The following ADD3 variants were observed in gnomAD, a reference collection of about 807,000 sequenced individuals.
ADD3 encodes the protein adducin 3.
Under a neutral mutation model 80.2 loss-of-function variants are expected in ADD3, and 25 were observed. The ratio of observed to expected loss-of-function variants is 0.31; its 90% CI spans 0.23 to 0.44. The LOEUF is 0.44. Among genes scored for constraint, ADD3 ranks in the 20% least tolerant of loss-of-function variants. ADD3 has a pLI of 1.00. For synonymous variants in ADD3, 284 were observed against 289.6 expected, an observed-to-expected ratio of 0.98 and a Z score of 0.20; for missense variants, 829 against 847.5, an observed-to-expected ratio of 0.98 and a Z score of 0.27.
chr10:110,126,350 A>C (rs1431390739), intron 11 of ADD3, 67 bp from the exon 12 acceptor site: 1 of 1,212,152 alleles, frequency 8.2e-7, no homozygotes, highest in East Asian at 2.4e-5. Flanking sequence ...TTTTATGAAA[A>C]GATAAAGCAA....
In ADD3 at chr10:110,058,139, G is replaced by A. The variant is rs559337122; in HGVS notation, c.-29-42486G>A. Among the ~76,000 whole-genome samples the A allele has an allele frequency of 6.1e-4, 90 of 148,470 alleles. 1 individual carries two copies. The highest frequency in any genetic ancestry group is 2.1e-3 in the African/African-American group (86 of 40,060). On this transcript the variant is annotated intron_variant, in intron 1 of 14. Coordinates refer to ENST00000356080, the MANE Select transcript of ADD3 (RefSeq NM_016824.5). ...TTTTTTTTTGGCTTGCCATATGCAT[G>A]CTATTTTGCTTTTCCTTTGTACTTT...
chr10:110,061,228 C>T (rs1397120993), intron 1 of ADD3, among the ~76,000 whole-genome samples: 1 of 152,140 alleles, frequency 6.6e-6, no homozygotes, highest in East Asian at 1.9e-4. Flanking sequence ...TAAATGACAG[C>T]CAAAGTAGAT....
chr10:110,091,001 C>T (rs182633410), intron 1 of ADD3, among the ~76,000 whole-genome samples: 35 of 152,168 alleles, frequency 2.3e-4, no homozygotes, highest in Non-Finnish European at 4.7e-4. Flanking sequence ...AGAACAAAAA[C>T]GGGGTTCAGG....
intron 6 of ADD3, 35 bp downstream of exon 6, chr10:110,118,771 T>C (rs1215325006): frequency 1.3e-6 from 2 of 1,597,970 alleles, no homozygotes. Flanking sequence ...GACAGGACGC[T>C]GGAAGATGTA....
At chr10:110,047,424 A>G (rs1263163366) in intron 1 of ADD3, among the ~76,000 whole-genome samples, 1 of 152,164 alleles carries the variant, frequency 6.6e-6, no homozygotes, top group Non-Finnish European at 1.5e-5. Context: ...AATGCACACT[A>G]TATTAAGTGG....
chr10:110,007,245 A>G (rs76406036), upstream of ADD3, among the ~76,000 whole-genome samples: 2,439 of 151,962 alleles, frequency 0.016, 60 homozygotes, highest in African/African-American at 0.052. Context: ...GGGAGTGAAG[A>G]CTCTCGAGGG....
chr10:110,020,613 C>T (rs936157807), intron 1 of ADD3, among the ~76,000 whole-genome samples: 4 of 152,044 alleles, frequency 2.6e-5, no homozygotes, highest in African/African-American at 9.7e-5. Context: ...GGTGTGGCAC[C>T]GTCTGACAGA....
chr10:110,043,353 G>C (rs769684961), intron 1 of ADD3, among the ~76,000 whole-genome samples: 1 of 152,006 alleles, frequency 6.6e-6, no homozygotes, highest in Non-Finnish European at 1.5e-5. Flanking sequence ...TTTAAGTATG[G>C]CTGATCTTTT....
At chr10:110,088,760 G>A (rs1847118353) in intron 1 of ADD3, among the ~76,000 whole-genome samples, 1 of 152,082 alleles carries the variant, frequency 6.6e-6, no homozygotes, top group Middle Eastern at 3.4e-3. Flanking sequence ...ATATTTTTTT[G>A]TGTATTTTCC....
intron 2 of ADD3, among the ~76,000 whole-genome samples, chr10:110,102,569 G>A (rs1848947216): frequency 6.6e-6 from 1 of 152,056 alleles, no homozygotes; most frequent in Admixed American, 6.6e-5. Flanking sequence ...ATCACACTAC[G>A]GCACTCCAGC....
At chr10:110,053,256 A>G (rs535846346) in intron 1 of ADD3, among the ~76,000 whole-genome samples, 19 of 152,034 alleles carry the variant, frequency 1.2e-4, no homozygotes, top group African/African-American at 4.6e-4. Context: ...AAGTAGATGA[A>G]TTTACATAAT....
rs1194453127 is a variant in ADD3 at position 110,038,921 on chromosome 10, AAT to A, written c.-30+30625_-30+30626del. 2.0e-5 allele frequency among the ~76,000 whole-genome samples: 3 copies of A among 152,348 alleles called. 1 individual carries two copies. The South Asian group carries it at 6.2e-4, about 32-fold the overall frequency. On this transcript the variant is annotated intron_variant, in intron 1 of 14. Transcript: ENST00000356080. ...GATGTTACAGTAAATTATGGGCTATAATATGTGTAATATGAAAAAGTTGATTG... is the reference window on the plus strand; with the variant it reads ...GATGTTACAGTAAATTATGGGCTATAATGTGTAATATGAAAAAGTTGATTG...
intron 1 of ADD3, among the ~76,000 whole-genome samples, chr10:110,025,682 AG>A (rs1260848160): frequency 6.6e-6 from 1 of 152,194 alleles, no homozygotes; most frequent in East Asian, 1.9e-4. Flanking sequence ...TCCGTGTTTA[AG>A]GCAACATGTT....
chr10:110,067,923 T>C (rs950748760), intron 1 of ADD3, among the ~76,000 whole-genome samples: 1 of 152,248 alleles, frequency 6.6e-6, no homozygotes, highest in African/African-American at 2.4e-5. Context: ...ATTACTTCTC[T>C]TTGTTTAATA....
chr10:110,039,494 A>G (rs914759953), intron 1 of ADD3, among the ~76,000 whole-genome samples: 2 of 152,244 alleles, frequency 1.3e-5, no homozygotes, highest in Non-Finnish European at 2.9e-5. Context: ...AATGCTAATT[A>G]TGTATATGAA....
intron 1 of ADD3, among the ~76,000 whole-genome samples, chr10:110,093,439 AATTAT>A: frequency 6.6e-6 from 1 of 152,308 alleles, no homozygotes; most frequent in African/African-American, 2.4e-5. Flanking sequence ...TATGATGCTA[AATTAT>A]ATTAAAGTGA....
At chr10:110,056,238 A>G (rs924021819) in intron 1 of ADD3, among the ~76,000 whole-genome samples, 1 of 152,338 alleles carries the variant, frequency 6.6e-6, no homozygotes, top group Non-Finnish European at 1.5e-5. Context: ...AATGTATATA[A>G]TCTTTAGTTC....
chr10:110,039,598 G>A (rs1392481962), intron 1 of ADD3, among the ~76,000 whole-genome samples: 3 of 152,192 alleles, frequency 2.0e-5, no homozygotes, highest in African/African-American at 7.2e-5. Context: ...ATAAAATACT[G>A]TATTAGTTAT....
In ADD3 at chr10:110,125,920, A is replaced by C. The variant is rs1342275357; in HGVS notation, c.1496A>C (p.Asn499Thr). 3 of 1,608,642 alleles carry C rather than the reference A, an allele frequency of 1.9e-6. No homozygotes were observed. In the East Asian group the frequency reaches 6.7e-5, roughly 36 times the overall value. The change falls in exon 11 of 15, where the codon AAT (asparagine) becomes ACT (threonine). Residue 499 changes from asparagine to threonine, a missense_variant. Asn to Thr is a moderately conservative substitution (Grantham distance 65). Coordinates refer to ENST00000356080, the MANE Select transcript of ADD3 (RefSeq NM_016824.5). ...TTTGTTCCTTTAAACACAAACCCGAATGAGGTACTAGAAAAGAGAAATAAG... is the reference window on the plus strand; with the variant it reads ...TTTGTTCCTTTAAACACAAACCCGACTGAGGTACTAGAAAAGAGAAATAAG... ...NQFVPLNTNP[N>T]EVLEKRNKIR...
Sources: gnomAD v4.1 joint callset for allele counts (sites outside exome capture counted in the v4.1 genomes callset) on GRCh38, gnomAD v4.1.1 for gene constraint, MANE v1.5 for transcripts, NCBI Gene and HGNC (gene_info 2026-07-23, HGNC 2026-07-21) for gene names.